The following BICRAL variants were observed in gnomAD, a reference collection of about 807,000 sequenced individuals.
BICRAL encodes the protein BICRA like chromatin remodeling complex associated protein.
Under a neutral mutation model 91.8 loss-of-function variants are expected in BICRAL, and 8 were observed. The ratio of observed to expected loss-of-function variants is 0.09; its 90% confidence interval spans 0.05 to 0.16. BICRAL has a LOEUF of 0.16. BICRAL is among the 10% of genes least tolerant of loss of function. BICRAL has a pLI of 1.00. For missense variants in BICRAL, 1,038 were observed against 1,310.9 expected (o/e 0.79, Z 3.21); for synonymous variants, 445 against 491.1 (o/e 0.91, Z 1.24).
At chr6:42,751,662 T>C (rs1762383013) in intron 1 of BICRAL, among the ~76,000 whole-genome samples, 1 of 148,592 alleles carries the variant, frequency 6.7e-6, no homozygotes, top group Non-Finnish European at 1.5e-5. Context: ...TTCTTTTTTT[T>C]TTTTTTTTTT....
chr6:42,862,437 G>A lies in BICRAL; in HGVS notation c.2350-73G>A, dbSNP rs757418237. ...TATCTTTTGAATTTTGTACCAATGT[G>A]TAAATTATTTTTTCCAAAAGCAACC... On this transcript the variant is annotated intron_variant, in intron 11 of 12. Coordinates refer to ENST00000314073, the MANE Select transcript of BICRAL (RefSeq NM_001393499.1). The A allele has an allele frequency of 1.2e-5, 11 of 952,764 alleles. No individual in the cohort carries two copies. The Admixed American group carries it at 1.8e-4, about 15-fold the overall frequency. 59.0% of individuals were successfully genotyped at this position (952,764 alleles called of 1,614,324 possible).
In BICRAL at chr6:42,829,209, T is replaced by C. The variant is rs562256098; in HGVS notation, c.876T>C (p.Pro292=). The part of the protein sequence containing the change: ...FNSTNFQTSL[P]VHNIIIQRGL... ...GCACAAATTTTCAAACATCTTTACC[T>C]GTGCATAACATCATCATACAAAGGG... Residue 292 remains proline, a synonymous_variant, in exon 6 of 13, where the codon CCT becomes CCC. Transcript: ENST00000314073. 5.3e-5 allele frequency: 85 copies of C among 1,614,210 alleles called. 1 individual carries two copies. The South Asian group carries it at 9.2e-4, about 18-fold the overall frequency.
chr6:42,764,124 C>A (rs1041084475), intron 1 of BICRAL, among the ~76,000 whole-genome samples: 22 of 151,406 alleles, frequency 1.5e-4, no homozygotes, highest in African/African-American at 4.6e-4. Flanking sequence ...CGCCTGTAGT[C>A]CCAGCTACTC....
Position 42,866,338 on chromosome 6 carries a change from A to G in BICRAL, c.*892A>G. The G allele has an allele frequency of 6.0e-6, 1 of 166,864 alleles. No individual in the cohort carries two copies. Among genetic ancestry groups the G allele is most frequent in the East Asian group, 1.7e-4 (1 of 6,044 alleles). 10.3% of individuals were successfully genotyped at this position (166,864 alleles called of 1,614,324 possible). On this transcript the variant is annotated 3_prime_UTR_variant, in exon 13 of 13. Transcript: ENST00000314073. ...TATGTATATATGTAAAAGCATATAT[A>G]TGTTAACTATTGAGAAAAAACAAGT...
At chr6:42,766,802 A>T (rs1762639232) in intron 1 of BICRAL, among the ~76,000 whole-genome samples, 1 of 152,156 alleles carries the variant, frequency 6.6e-6, no homozygotes, top group South Asian at 2.1e-4. Context: ...GCACTTTGGG[A>T]GGCCAAGGCG....
At chr6:42,843,333 C>T (rs1316831941) in intron 6 of BICRAL, among the ~76,000 whole-genome samples, 1 of 151,952 alleles carries the variant, frequency 6.6e-6, no homozygotes. Context: ...AAGTGCAGAG[C>T]CTGGAGAGAA....
intron 6 of BICRAL, among the ~76,000 whole-genome samples, chr6:42,832,578 CGTGTGTGT>C (rs59693040): frequency 3.5e-5 from 5 of 142,678 alleles, no homozygotes; most frequent in African/African-American, 7.7e-5. Context: ...ATCAAAGGGG[CGTGTGTGT>C]GTGTGTGTGT....
rs560465806 is a variant in BICRAL, at chr6:42,791,274, C to T, written c.-102+9173C>T. 3.9e-4 allele frequency among the ~76,000 whole-genome samples: 59 copies of T among 152,184 alleles called. 1 individual carries two copies. The highest frequency in any genetic ancestry group is 1.1e-3 in the African/African-American group (44 of 41,516). ...CAATCAACTTTAATCTATAAAGTTACGATTTGTTTACTTATAAATTTATTT... is the reference window on the plus strand; with the variant it reads ...CAATCAACTTTAATCTATAAAGTTATGATTTGTTTACTTATAAATTTATTT... On this transcript the variant is annotated intron_variant, in intron 1 of 12. Coordinates refer to ENST00000314073, the MANE Select transcript of BICRAL (RefSeq NM_001393499.1).
chr6:42,782,997 G>A (rs1762968154), intron 1 of BICRAL, among the ~76,000 whole-genome samples: 1 of 148,950 alleles, frequency 6.7e-6, no homozygotes, highest in South Asian at 2.2e-4. Flanking sequence ...AGAGGGTGGG[G>A]AGGGAGGCGG....
In BICRAL at chr6:42,818,881, A is replaced by G. The variant is rs568040045; in HGVS notation, c.-5-3137A>G. On this transcript the variant is annotated intron_variant, in intron 2 of 12. Transcript: ENST00000314073. ...ATTATTTAAGATGTTTGTTGGTGCA[A>G]TTCAGAACAGTTTTAAATATTAGCT... Among the ~76,000 whole-genome samples, 10 of 152,242 alleles carry G rather than the reference A, an allele frequency of 6.6e-5. No homozygotes were observed. The South Asian group carries it at 1.7e-3, about 25-fold the overall frequency.
At chr6:42,794,038 A>G (rs1386684998) in intron 1 of BICRAL, among the ~76,000 whole-genome samples, 1 of 150,858 alleles carries the variant, frequency 6.6e-6, no homozygotes, top group Admixed American at 6.6e-5. Context: ...TTACTTGTTT[A>G]TAAATCAGAT....
At chr6:42,792,473 A>G (rs1293147979) in intron 1 of BICRAL, among the ~76,000 whole-genome samples, 1 of 149,106 alleles carries the variant, frequency 6.7e-6, no homozygotes, top group Non-Finnish European at 1.5e-5. Context: ...AGTTCTTGCT[A>G]TGTTGCCCAA....
At chr6:42,862,413 A>G in intron 11 of BICRAL, 97 bp from the exon 12 acceptor site, 1 of 796,810 alleles carries the variant, frequency 1.3e-6, no homozygotes, top group Admixed American at 1.8e-5. Flanking sequence ...GCCCTGTAGT[A>G]TCTTTTGAAT....
chr6:42,773,761 C>T (rs898733979), intron 1 of BICRAL, among the ~76,000 whole-genome samples: 5 of 152,134 alleles, frequency 3.3e-5, no homozygotes, highest in South Asian at 2.1e-4. Context: ...GTGACCCATC[C>T]GCCTCGGCTT....
intron 1 of BICRAL, among the ~76,000 whole-genome samples, chr6:42,785,751 A>G (rs192070458): frequency 2.6e-5 from 4 of 152,214 alleles, no homozygotes; most frequent in Admixed American, 2.6e-4. Flanking sequence ...TAATAGCAGA[A>G]TATGGATAAA....
intron 1 of BICRAL, among the ~76,000 whole-genome samples, chr6:42,785,815 G>C (rs1207583294): frequency 6.6e-6 from 1 of 152,008 alleles, no homozygotes; most frequent in East Asian, 1.9e-4. Context: ...CAGCACTTCG[G>C]GAGGCCGAGG....
chr6:42,841,075 TAAA>T (rs758007416), intron 6 of BICRAL, among the ~76,000 whole-genome samples: 3 of 85,272 alleles, frequency 3.5e-5, no homozygotes, highest in Non-Finnish European at 2.1e-5. Context: ...ACTCAATCTT[TAAA>T]AAAAAAAAAA....
chr6:42,812,981 G>A (rs1048655767), intron 2 of BICRAL, among the ~76,000 whole-genome samples: 1 of 152,190 alleles, frequency 6.6e-6, no homozygotes, highest in Non-Finnish European at 1.5e-5. Context: ...GCTGCAATCC[G>A]CTGTGATCCT....
chr6:42,834,672 A>G (rs891519520), intron 6 of BICRAL, among the ~76,000 whole-genome samples: 1 of 152,164 alleles, frequency 6.6e-6, no homozygotes, highest in Non-Finnish European at 1.5e-5. Context: ...AAATAATTAT[A>G]CAATAATTTA....
Sources: gnomAD v4.1 joint callset for allele counts (sites outside exome capture counted in the v4.1 genomes callset) on GRCh38, gnomAD v4.1.1 for gene constraint, MANE v1.5 for transcripts, NCBI Gene and HGNC (gene_info 2026-07-23, HGNC 2026-07-21) for gene names.